Variants in TMEM232 observed in about 807,000 individuals in gnomAD.
The protein encoded by TMEM232 is transmembrane protein 232.
In TMEM232, 80 loss-of-function variants were observed where a neutral mutation model predicts 78.8. That is an observed-to-expected ratio of 1.01 (90% CI 0.85 to 1.22). The LOEUF (loss-of-function observed/expected upper bound fraction) is 1.22, where lower values mean the gene tolerates loss of function less well. Ranked by LOEUF, TMEM232 falls within the 50% of genes most tolerant of loss-of-function variation. The pLI, the probability that TMEM232 is intolerant of heterozygous loss-of-function variation, is 0.00. For missense variants in TMEM232, 881 were observed against 742.2 expected (o/e 1.19, Z -2.17); for synonymous variants, 297 against 254.3 (o/e 1.17, Z -1.60).
intron 11 of TMEM232, among the ~76,000 whole-genome samples, chr5:110,561,580 T>C (rs917110536): frequency 2.0e-5 from 3 of 152,054 alleles, no homozygotes; most frequent in African/African-American, 7.2e-5. Context: ...CAGACTGAAA[T>C]CCCATTTATG....
intron 4 of TMEM232, 54 bp from the exon 5 acceptor site, chr5:110,638,409 C>A: frequency 6.9e-7 from 1 of 1,439,832 alleles, no homozygotes; most frequent in Admixed American, 2.6e-5. Flanking sequence ...CCTGTTTTTC[C>A]ACATGCTATA....
intron 11 of TMEM232, among the ~76,000 whole-genome samples, chr5:110,534,435 A>G (rs1009935132): frequency 7.2e-5 from 11 of 152,208 alleles, no homozygotes; most frequent in African/African-American, 2.7e-4. Context: ...CCTTCTCAGA[A>G]TTCAGGCCTG....
chr5:110,516,834 G>A (rs1768738275), intron 12 of TMEM232, among the ~76,000 whole-genome samples: 1 of 151,806 alleles, frequency 6.6e-6, no homozygotes, highest in Non-Finnish European at 1.5e-5. Flanking sequence ...AAAACACAAG[G>A]AAATTTTTTT....
chr5:110,668,747 G>T (rs1790944373), intron 1 of TMEM232, among the ~76,000 whole-genome samples: 2 of 152,056 alleles, frequency 1.3e-5, no homozygotes, highest in South Asian at 2.1e-4. Context: ...TTCTCAGCAA[G>T]TGTAAAAGAA....
intron 11 of TMEM232, 66 bp from the exon 12 acceptor site, chr5:110,528,901 T>A: frequency 2.5e-6 from 3 of 1,214,106 alleles, no homozygotes; most frequent in Non-Finnish European, 3.1e-6. Context: ...AAATCGTGTA[T>A]TATTAAATTT....
intron 11 of TMEM232, among the ~76,000 whole-genome samples, chr5:110,550,506 T>C (rs578235961): frequency 1.7e-3 from 260 of 152,172 alleles, no homozygotes; most frequent in African/African-American, 5.8e-3. Flanking sequence ...TTTTGAACTA[T>C]AAAAACAATG....
At chr5:110,710,474 T>C (rs1214958526) in intron 1 of TMEM232, among the ~76,000 whole-genome samples, 1 of 152,086 alleles carries the variant, frequency 6.6e-6, no homozygotes, top group Non-Finnish European at 1.5e-5. Flanking sequence ...ATTTCTGATG[T>C]ATATTGATGC....
chr5:110,537,389 A>T (rs1179257738), intron 11 of TMEM232, among the ~76,000 whole-genome samples: 1 of 152,064 alleles, frequency 6.6e-6, no homozygotes. Flanking sequence ...ACCATCCTGC[A>T]ATCAGATCTA....
At chr5:110,404,605 T>C (rs1266611099) in intron 2 of TMEM232, among the ~76,000 whole-genome samples, 1 of 152,106 alleles carries the variant, frequency 6.6e-6, no homozygotes, top group Non-Finnish European at 1.5e-5. Flanking sequence ...TTTATCTGGC[T>C]TCCACTTCCA....
In TMEM232 at chr5:110,391,111, C is replaced by T. The variant is rs572144180; in HGVS notation, n.391-471G>A. ...CTAGCTGCTTGCTTTATTTTATTCC[C>T]TCTGTTTGGCAATAAACTATCATGG... On this transcript the variant is annotated intron_variant and non_coding_transcript_variant, in intron 3 of 8. Coordinates refer to the TMEM232 transcript ENST00000507188. 2.0e-5 allele frequency among the ~76,000 whole-genome samples: 3 copies of T among 152,224 alleles called. No individual in the cohort carries two copies. In the South Asian group the frequency reaches 6.2e-4, roughly 32 times the overall value.
At chr5:110,485,525 C>T (rs1197406808) in intron 12 of TMEM232, among the ~76,000 whole-genome samples, 1 of 152,134 alleles carries the variant, frequency 6.6e-6, no homozygotes, top group African/African-American at 2.4e-5. Flanking sequence ...ATCCTCATAG[C>T]TTAGCTCCCA....
intron 10 of TMEM232, among the ~76,000 whole-genome samples, chr5:110,594,188 C>T (rs577771308): frequency 7.2e-5 from 11 of 151,804 alleles, no homozygotes; most frequent in South Asian, 4.2e-4. Flanking sequence ...TTGCCTCACC[C>T]GGGAAGAGCA....
At chr5:110,391,919 C>T (rs1254221781) in intron 3 of TMEM232, among the ~76,000 whole-genome samples, 1 of 152,088 alleles carries the variant, frequency 6.6e-6, no homozygotes, top group Non-Finnish European at 1.5e-5. Context: ...AAGAAACATG[C>T]AGAGTCTGCA....
At chr5:110,408,841 CA>C (rs1354524198) in intron 2 of TMEM232, among the ~76,000 whole-genome samples, 1 of 151,938 alleles carries the variant, frequency 6.6e-6, no homozygotes, top group Non-Finnish European at 1.5e-5. Context: ...CAGCCATCAC[CA>C]AAAGAACATG....
chr5:110,606,540 C>G (rs916704927), intron 8 of TMEM232, among the ~76,000 whole-genome samples: 1 of 151,930 alleles, frequency 6.6e-6, no homozygotes, highest in African/African-American at 2.4e-5. Context: ...CATATAATCA[C>G]ATTTCTTCAT....
chr5:110,495,525 T>A (rs569232069), intron 12 of TMEM232, among the ~76,000 whole-genome samples: 2 of 151,970 alleles, frequency 1.3e-5, no homozygotes, highest in Non-Finnish European at 2.9e-5. Flanking sequence ...TGAAATATTA[T>A]ATTTACCCCA....
intron 11 of TMEM232, among the ~76,000 whole-genome samples, chr5:110,532,646 C>A (rs1345764446): frequency 2.0e-5 from 3 of 152,008 alleles, no homozygotes; most frequent in Admixed American, 6.6e-5. Flanking sequence ...CTGACTATTC[C>A]TGGACTACAG....
intron 2 of TMEM232, 25 bp from the exon 3 acceptor site, chr5:110,642,396 C>G: frequency 6.8e-7 from 1 of 1,472,400 alleles, no homozygotes; most frequent in South Asian, 1.3e-5. Context: ...GAAAAATTAA[C>G]ATTTAAAAAG....
intron 2 of TMEM232, chr5:110,666,766 C>G (rs1256686070): frequency 6.6e-6 from 1 of 152,618 alleles, no homozygotes. Flanking sequence ...GCACAGAAAA[C>G]AACTAGAAAA....
Sources: allele counts gnomAD v4.1 joint callset (sites outside exome capture counted in the v4.1 genomes callset), GRCh38; gene constraint gnomAD v4.1.1; transcripts MANE v1.5; gene names NCBI Gene and HGNC (gene_info 2026-07-23, HGNC 2026-07-21).